The following MAGI2 variants were observed in gnomAD, a reference collection of about 807,000 sequenced individuals.
MAGI2 encodes membrane associated guanylate kinase, WW and PDZ domain containing 2, also known as membrane-associated guanylate kinase, WW and PDZ domain-containing protein 2.
MAGI2 carries 35 observed loss-of-function variants against 133.3 expected under a neutral mutation model. The ratio of observed to expected loss-of-function variants is 0.26; its 90% CI spans 0.20 to 0.35. The LOEUF (loss-of-function observed/expected upper bound fraction) is 0.35, where lower values mean the gene tolerates loss of function less well. Among genes scored for constraint, MAGI2 ranks in the 10% least tolerant of loss-of-function variants. MAGI2 has a pLI of 1.00. For missense variants in MAGI2, 1,636 were observed against 1,863.4 expected, an observed-to-expected ratio of 0.88 and a Z score of 2.25; for synonymous variants, 729 against 710.6, an observed-to-expected ratio of 1.03 and a Z score of -0.41.
intron 1 of MAGI2, among the ~76,000 whole-genome samples, chr7:79,098,121 CA>C (rs970931737): frequency 4.6e-4 from 69 of 150,628 alleles, no homozygotes; most frequent in Non-Finnish European, 8.1e-4. Flanking sequence ...GACCCTGTTT[CA>C]AAAAAAAATA....
intron 20 of MAGI2, among the ~76,000 whole-genome samples, chr7:78,117,667 C>A (rs1329509234): frequency 1.3e-5 from 2 of 151,606 alleles, no homozygotes; most frequent in African/African-American, 4.8e-5. Context: ...GTAAGCCAAG[C>A]CAATGAAATT....
chr7:79,256,149 T>A (rs141678622), intron 1 of MAGI2, among the ~76,000 whole-genome samples: 29 of 152,316 alleles, frequency 1.9e-4, no homozygotes, highest in African/African-American at 6.3e-4. Context: ...ATGCTCCCAT[T>A]TATACTACTC....
At chr7:79,249,009 G>A (rs1431912100) in intron 1 of MAGI2, among the ~76,000 whole-genome samples, 1 of 151,900 alleles carries the variant, frequency 6.6e-6, no homozygotes, top group Non-Finnish European at 1.5e-5. Context: ...GATTACAGGT[G>A]CCCGCCACCA....
intron 2 of MAGI2, among the ~76,000 whole-genome samples, chr7:78,878,895 C>CA (rs2151538653): frequency 6.6e-6 from 1 of 152,272 alleles, no homozygotes; most frequent in East Asian, 1.9e-4. Context: ...CTCTCCATGC[C>CA]ATGGCCAGGC....
intron 6 of MAGI2, among the ~76,000 whole-genome samples, chr7:78,402,305 G>T (rs1316428730): frequency 1.3e-5 from 2 of 149,852 alleles, no homozygotes; most frequent in Non-Finnish European, 3.0e-5. Flanking sequence ...TGTCCACCTG[G>T]GGTGTGTGTG....
At chr7:79,378,849 G>A (rs1306782257) in intron 1 of MAGI2, among the ~76,000 whole-genome samples, 2 of 146,370 alleles carry the variant, frequency 1.4e-5, no homozygotes, top group African/African-American at 5.0e-5. Context: ...GATCCCAGTG[G>A]GGTTTCATTC....
chr7:79,220,249 G>A (rs963550221), intron 1 of MAGI2, among the ~76,000 whole-genome samples: 4 of 151,956 alleles, frequency 2.6e-5, no homozygotes, highest in African/African-American at 9.7e-5. Context: ...ATGTTTTTCA[G>A]CAATCACTGC....
At chr7:78,245,979 C>A (rs1374370785) in intron 10 of MAGI2, among the ~76,000 whole-genome samples, 1 of 152,158 alleles carries the variant, frequency 6.6e-6, no homozygotes, top group Admixed American at 6.5e-5. Context: ...CATGGAGCCA[C>A]CCCTGTTCAG....
chr7:78,699,306 A>G (rs111622280), intron 2 of MAGI2, among the ~76,000 whole-genome samples: 12,352 of 152,170 alleles, frequency 0.081, 589 homozygotes, highest in African/African-American at 0.12. Flanking sequence ...TCACTGTATT[A>G]CCCAAGCTGG....
At chr7:78,888,759 T>G (rs532742519) in intron 2 of MAGI2, among the ~76,000 whole-genome samples, 83 of 152,090 alleles carry the variant, frequency 5.5e-4, no homozygotes, top group Non-Finnish European at 1.0e-3. Flanking sequence ...CAAAGGTAGA[T>G]AAAACCACAA....
At chr7:78,715,759 A>G (rs1229884463) in intron 2 of MAGI2, among the ~76,000 whole-genome samples, 1 of 108,536 alleles carries the variant, frequency 9.2e-6, no homozygotes, top group African/African-American at 3.2e-5. Flanking sequence ...AGATAATAAG[A>G]TAGTTTAAAA....
chr7:78,573,401 T>TATATATATATATATATATATATATAC (rs1563189756), intron 3 of MAGI2, among the ~76,000 whole-genome samples: 1 of 74,210 alleles, frequency 1.3e-5, no homozygotes, highest in African/African-American at 5.5e-5. Flanking sequence ...TATATATATA[T>TATATATATATATATATATATATATAC]ATAGGCTGCC....
At chr7:78,703,437 G>A (rs912702154) in intron 2 of MAGI2, among the ~76,000 whole-genome samples, 2 of 151,964 alleles carry the variant, frequency 1.3e-5, no homozygotes, top group African/African-American at 4.8e-5. Context: ...GAGATTGAAC[G>A]TGTGAAGTTT....
At chr7:78,839,544 T>C (rs1791943697) in intron 2 of MAGI2, among the ~76,000 whole-genome samples, 1 of 152,046 alleles carries the variant, frequency 6.6e-6, no homozygotes, top group African/African-American at 2.4e-5. Context: ...TCTTCATGGC[T>C]GGGGAGGCCT....
intron 2 of MAGI2, among the ~76,000 whole-genome samples, chr7:78,861,723 T>C (rs1794168101): frequency 1.3e-5 from 2 of 152,298 alleles, no homozygotes; most frequent in South Asian, 4.1e-4. Context: ...TAGGAGAATA[T>C]ATGAGAAAGT....
At position 78,573,368 on chromosome 7, in the gene MAGI2, ATAT is replaced by A. The variant is rs1563189565; in HGVS notation, c.539-51726_539-51724del. On this transcript the variant is annotated intron_variant, in intron 3 of 21. Transcript: ENST00000354212. ...TATAGAGAGAGAGAATCCTGGAAAT[ATAT>A]ATATATATATATATATATATATATA... Among the ~76,000 whole-genome samples the A allele has an allele frequency of 6.9e-4, 6 of 8,676 alleles. 1 individual carries two copies. The highest frequency in any genetic ancestry group is 5.6e-3 in the South Asian group (1 of 178). 5.7% of individuals were successfully genotyped at this position (8,676 alleles called of 152,430 possible). A position where few individuals can be genotyped will look rare whatever the true frequency, so the allele number is the denominator to read the frequency against.
At chr7:78,979,328 A>T (rs2116142760) in intron 2 of MAGI2, among the ~76,000 whole-genome samples, 1 of 151,638 alleles carries the variant, frequency 6.6e-6, no homozygotes, top group East Asian at 2.0e-4. Context: ...ATTTTCCAGA[A>T]TTTAAGAAAG....
intron 9 of MAGI2, among the ~76,000 whole-genome samples, chr7:78,323,449 C>G (rs1788220187): frequency 6.6e-6 from 1 of 152,122 alleles, no homozygotes; most frequent in Admixed American, 6.6e-5. Flanking sequence ...TTAGGTAACA[C>G]TACATTCTTT....
intron 1 of MAGI2, among the ~76,000 whole-genome samples, chr7:79,186,274 T>A (rs1387013238): frequency 7.5e-6 from 1 of 133,246 alleles, no homozygotes; most frequent in East Asian, 2.2e-4. Flanking sequence ...ACTACATACA[T>A]TTAAACTATA....
Sources: gnomAD v4.1 joint callset for allele counts (sites outside exome capture counted in the v4.1 genomes callset) on GRCh38, gnomAD v4.1.1 for gene constraint, MANE v1.5 for transcripts, NCBI Gene and HGNC (gene_info 2026-07-23, HGNC 2026-07-21) for gene names.